The following DAB1 variants were observed in gnomAD, a reference collection of about 807,000 sequenced individuals.
The protein encoded by DAB1 is DAB adaptor protein 1.
DAB1 carries 15 observed loss-of-function variants against 64.6 expected under a neutral mutation model. That is an observed-to-expected ratio of 0.23 (90% CI 0.16 to 0.36). The LOEUF is 0.36. Ranked by LOEUF, DAB1 falls within the 10% of genes least tolerant of loss-of-function variation. DAB1 has a pLI of 1.00. For missense variants in DAB1, 596 were observed against 706.7 expected, an observed-to-expected ratio of 0.84 and a Z score of 1.78; for synonymous variants, 235 against 251.9, an observed-to-expected ratio of 0.93 and a Z score of 0.64.
At chr1:58,132,705 G>A (rs942412602) in intron 5 of DAB1, among the ~76,000 whole-genome samples, 1 of 152,132 alleles carries the variant, frequency 6.6e-6, no homozygotes, top group African/African-American at 2.4e-5. Context: ...GCTCCTCTGA[G>A]AATCCCCCTT....
intron 3 of DAB1, among the ~76,000 whole-genome samples, chr1:58,404,713 T>C (rs1033546089): frequency 6.6e-6 from 1 of 152,184 alleles, no homozygotes; most frequent in Non-Finnish European, 1.5e-5. Context: ...AAATGGTGTG[T>C]ATGATGGGAG....
At chr1:57,639,671 G>A (rs1345246690) in intron 7 of DAB1, among the ~76,000 whole-genome samples, 1 of 152,174 alleles carries the variant, frequency 6.6e-6, no homozygotes, top group Non-Finnish European at 1.5e-5. Context: ...TACTGAGCAT[G>A]CACTGTGCAT....
At chr1:57,488,427 G>C (rs1306491212) in intron 7 of DAB1, among the ~76,000 whole-genome samples, 1 of 135,864 alleles carries the variant, frequency 7.4e-6, no homozygotes. Context: ...AAAAAAGTTT[G>C]TATATTTGGG....
chr1:58,473,798 C>A, intron 3 of DAB1: 1 of 558,846 alleles, frequency 1.8e-6, no homozygotes, highest in Non-Finnish European at 3.2e-6. Flanking sequence ...GAACGCTCTG[C>A]AGAGAAAGTC....
chr1:57,426,547 G>C (rs1261056351), upstream of DAB1, among the ~76,000 whole-genome samples: 2 of 151,622 alleles, frequency 1.3e-5, no homozygotes, highest in Non-Finnish European at 2.9e-5. Context: ...TGTGGCATAA[G>C]AAAAAAATCT....
At chr1:57,441,354 T>A (rs1685952807) in intron 7 of DAB1, among the ~76,000 whole-genome samples, 1 of 151,584 alleles carries the variant, frequency 6.6e-6, no homozygotes, top group Non-Finnish European at 1.5e-5. Context: ...TTTCTTTTTT[T>A]CTTTCTTCTT....
At chr1:58,424,597 A>T (rs1482524947) in intron 3 of DAB1, among the ~76,000 whole-genome samples, 1 of 152,180 alleles carries the variant, frequency 6.6e-6, no homozygotes, top group African/African-American at 2.4e-5. Flanking sequence ...AACCTAGAGT[A>T]GTTTTTGTTT....
At chr1:57,468,097 T>G (rs915569563) in intron 7 of DAB1, among the ~76,000 whole-genome samples, 1 of 152,216 alleles carries the variant, frequency 6.6e-6, no homozygotes, top group Non-Finnish European at 1.5e-5. Flanking sequence ...TTGATTAATG[T>G]GTCAGATTCC....
intron 5 of DAB1, among the ~76,000 whole-genome samples, chr1:58,103,402 C>A (rs112923540): frequency 7.5e-4 from 114 of 152,200 alleles, no homozygotes; most frequent in African/African-American, 2.5e-3. Context: ...AACTACTCAA[C>A]CTTTGTCTTC....
intron 7 of DAB1, among the ~76,000 whole-genome samples, chr1:57,626,543 T>A (rs1645925544): frequency 6.6e-6 from 1 of 152,076 alleles, no homozygotes. Context: ...AGGGGGTGAG[T>A]GGTCAGGTAC....
chr1:57,469,244 T>G (rs1228256216), intron 7 of DAB1, among the ~76,000 whole-genome samples: 2 of 152,120 alleles, frequency 1.3e-5, no homozygotes, highest in African/African-American at 2.4e-5. Flanking sequence ...GTTGTGAAAT[T>G]TAAGGAAACA....
intron 1 of DAB1, among the ~76,000 whole-genome samples, chr1:57,865,850 C>T (rs1449149426): frequency 6.6e-6 from 1 of 152,164 alleles, no homozygotes; most frequent in Non-Finnish European, 1.5e-5. Flanking sequence ...AACAAAATGC[C>T]ATATACTGGG....
intron 4 of DAB1, among the ~76,000 whole-genome samples, chr1:58,176,873 G>A (rs953170203): frequency 1.3e-5 from 2 of 151,996 alleles, no homozygotes; most frequent in African/African-American, 4.8e-5. Context: ...CAGCTACTTG[G>A]GAGGCTGAGG....
At chr1:57,690,084 A>T (rs1429803280) in intron 6 of DAB1, among the ~76,000 whole-genome samples, 1 of 152,092 alleles carries the variant, frequency 6.6e-6, no homozygotes, top group Non-Finnish European at 1.5e-5. Flanking sequence ...AAATGACAGG[A>T]TCTCACTCTT....
chr1:57,656,370 T>G (rs1041445510), intron 6 of DAB1, among the ~76,000 whole-genome samples: 1 of 145,858 alleles, frequency 6.9e-6, no homozygotes, highest in Admixed American at 7.0e-5. Flanking sequence ...GTGTGTGTGT[T>G]TTTGTGCTCG....
At chr1:57,317,381 T>G (rs1288010164) in intron 1 of DAB1, among the ~76,000 whole-genome samples, 1 of 152,238 alleles carries the variant, frequency 6.6e-6, no homozygotes, top group African/African-American at 2.4e-5. Context: ...TGTTTGCTTT[T>G]TTAAACTGCT....
Position 58,375,104 on chromosome 1 carries a change from T to C in DAB1, n.258-31701A>G, listed in dbSNP as rs930659227. 4.1e-5 allele frequency among the ~76,000 whole-genome samples: 6 copies of C among 147,974 alleles called. 1 individual carries two copies. The South Asian group carries it at 1.3e-3, about 32-fold the overall frequency. On this transcript the variant is annotated intron_variant and non_coding_transcript_variant, in intron 3 of 20. Coordinates refer to the DAB1 transcript ENST00000485760. The stretch of plus-strand genomic sequence containing the variant: ...GGCTGAGACGATGGGGTTTTCTAGA[T>C]AAACAATCATGTCGTCTGCAAACAG...
chr1:58,300,646 G>GAGAAAGGAAGGA lies in DAB1; in HGVS notation n.309+42705_309+42706insTCCTTCCTTTCT, dbSNP rs1662140791. ...AGAGAGAGAGAGAGAGAGAGAGAGA[G>GAGAAAGGAAGGA]AGGAAGGAAGGAAGGAAGGAAGGAA... is the stretch of plus-strand genomic sequence containing the variant. On this transcript the variant is annotated intron_variant and non_coding_transcript_variant, in intron 4 of 20. Transcript: ENST00000485760. 5.2e-5 allele frequency among the ~76,000 whole-genome samples: 3 copies of GAGAAAGGAAGGA among 57,292 alleles called. 1 individual carries two copies. Among genetic ancestry groups the GAGAAAGGAAGGA allele is most frequent in the African/African-American group, 1.3e-4 (2 of 14,894 alleles). The allele number at this position is 57,292 out of a possible 152,430, so 37.6% of individuals were successfully genotyped here.
chr1:57,323,947 C>G (rs1675941659), intron 1 of DAB1, among the ~76,000 whole-genome samples: 1 of 151,952 alleles, frequency 6.6e-6, no homozygotes, highest in South Asian at 2.1e-4. Flanking sequence ...TGGGATTTCT[C>G]TCTAATCTGA....
Sources: allele counts gnomAD v4.1 joint callset (sites outside exome capture counted in the v4.1 genomes callset), GRCh38; gene constraint gnomAD v4.1.1; transcripts MANE v1.5; gene names NCBI Gene and HGNC (gene_info 2026-07-23, HGNC 2026-07-21).